The following CCAR1 variants were observed in gnomAD, a reference collection of about 807,000 sequenced individuals.
CCAR1 encodes cell division cycle and apoptosis regulator 1.
CCAR1 carries 78 observed loss-of-function variants against 163.8 expected under a neutral mutation model. The ratio of observed to expected loss-of-function variants is 0.48; its 90% CI spans 0.40 to 0.57. The LOEUF is 0.57. Among genes scored for constraint, CCAR1 ranks in the 20% least tolerant of loss-of-function variants. The probability of loss-of-function intolerance (pLI) is 0.00; values close to 1 mark genes in which losing one functional copy is unlikely to be tolerated. For missense variants in CCAR1, 1,019 were observed against 1,365.2 expected (o/e 0.75, Z 4.00); for synonymous variants, 443 against 460.7 (o/e 0.96, Z 0.49).
At chr10:68,757,489 A>G in intron 15 of CCAR1, 112 bp downstream of exon 15, 1 of 565,584 alleles carries the variant, frequency 1.8e-6, no homozygotes, top group Admixed American at 2.9e-5. Context: ...ATCTCGGCTC[A>G]CTTCAGCCTC....
At chr10:68,730,345 A>AT (rs1248917484) in intron 2 of CCAR1, among the ~76,000 whole-genome samples, 2 of 147,120 alleles carry the variant, frequency 1.4e-5, no homozygotes, top group East Asian at 2.1e-4. Context: ...ATATATATAT[A>AT]TTTATTTTTT....
chr10:68,776,091 A>T (rs2056664083), intron 19 of CCAR1, among the ~76,000 whole-genome samples: 1 of 151,878 alleles, frequency 6.6e-6, no homozygotes, highest in Admixed American at 6.6e-5. Flanking sequence ...AGCCTCCCAA[A>T]GTGCTGGGTT....
intron 15 of CCAR1, among the ~76,000 whole-genome samples, chr10:68,758,150 G>A (rs1003950514): frequency 1.3e-5 from 2 of 152,002 alleles, no homozygotes; most frequent in African/African-American, 4.8e-5. Context: ...GGCCTCCTGG[G>A]TTCAAATGAT....
intron 10 of CCAR1, among the ~76,000 whole-genome samples, chr10:68,753,438 C>T (rs1383614102): frequency 6.6e-6 from 1 of 152,140 alleles, no homozygotes; most frequent in Non-Finnish European, 1.5e-5. Context: ...TTTTTCTACA[C>T]TCAAAAACCT....
At position 68,791,197 on chromosome 10, in the gene CCAR1, T is replaced by TATA. The variant is rs752088547; in HGVS notation, c.3394-10_3394-9insATA. On this transcript the variant is annotated splice_polypyrimidine_tract_variant and intron_variant, in intron 24 of 24. Coordinates refer to ENST00000265872, the MANE Select transcript of CCAR1 (RefSeq NM_018237.4). ...TAAAATGTATTTTTTCCTTCTCTAT[T>TATA]GTCTTATAGGATAATGTAAAGAATG... 6.6e-7 allele frequency: 1 copy of TATA among 1,504,576 alleles called. No individual in the cohort carries two copies. Among genetic ancestry groups the TATA allele is most frequent in the South Asian group, 1.2e-5 (1 of 83,254 alleles). The allele number at this position is 1,504,576 out of a possible 1,614,324, so 93.2% of individuals were successfully genotyped here.
At chr10:68,748,422 C>T (rs1420571416) in intron 8 of CCAR1, among the ~76,000 whole-genome samples, 3 of 150,426 alleles carry the variant, frequency 2.0e-5, no homozygotes, top group African/African-American at 7.3e-5. Flanking sequence ...AAAAAGATGA[C>T]AGGTAGCCTT....
At chr10:68,779,390 C>T (rs1309035032) in intron 19 of CCAR1, among the ~76,000 whole-genome samples, 1 of 151,696 alleles carries the variant, frequency 6.6e-6, no homozygotes, top group Non-Finnish European at 1.5e-5. Flanking sequence ...TCCTAAGTAG[C>T]TTAGATTACA....
intron 18 of CCAR1, among the ~76,000 whole-genome samples, chr10:68,772,720 T>G (rs1180385886): frequency 6.7e-6 from 1 of 149,478 alleles, no homozygotes; most frequent in African/African-American, 2.5e-5. Flanking sequence ...ATTGTGCCAC[T>G]GCACTCCAGT....
chr10:68,786,726 A>G (rs774667944), intron 21 of CCAR1, 34 bp downstream of exon 21: 1 of 1,543,992 alleles, frequency 6.5e-7, no homozygotes, highest in East Asian at 2.3e-5. Context: ...AAAGGAAAAC[A>G]TTTTTTAAAA....
At chr10:68,739,269 C>T (rs988479339) in intron 4 of CCAR1, among the ~76,000 whole-genome samples, 3 of 152,310 alleles carry the variant, frequency 2.0e-5, no homozygotes, top group Admixed American at 1.3e-4. Context: ...TCTGCCTCAG[C>T]CTCCTGAGTA....
chr10:68,740,588 G>T, intron 4 of CCAR1, 41 bp from the exon 5 acceptor site: 1 of 1,566,174 alleles, frequency 6.4e-7, no homozygotes, highest in Non-Finnish European at 8.8e-7. Context: ...CAACAATTCT[G>T]ATTGACCCTT....
chr10:68,730,085 C>A (rs1458963557), intron 2 of CCAR1, among the ~76,000 whole-genome samples: 1 of 151,734 alleles, frequency 6.6e-6, no homozygotes, highest in African/African-American at 2.4e-5. Context: ...CCACACCCAG[C>A]TAATTTTTGT....
intron 2 of CCAR1, 69 bp from the exon 3 acceptor site, chr10:68,736,807 A>T: frequency 1.4e-6 from 2 of 1,387,554 alleles, no homozygotes; most frequent in Non-Finnish European, 2.0e-6. Context: ...TCTTCTATGT[A>T]CTGTTTTCAT....
chr10:68,789,662 T>A, intron 23 of CCAR1, 48 bp from the exon 24 acceptor site: 1 of 1,138,768 alleles, frequency 8.8e-7, no homozygotes. Flanking sequence ...AAAGTTAAAT[T>A]TGAAATTTTA....
intron 15 of CCAR1, among the ~76,000 whole-genome samples, chr10:68,759,109 C>T (rs753211241): frequency 2.3e-5 from 3 of 131,284 alleles, no homozygotes; most frequent in Non-Finnish European, 4.5e-5. Context: ...GAAAAAACAA[C>T]AACCAACAAC....
At chr10:68,728,615 A>G in intron 2 of CCAR1, among the ~76,000 whole-genome samples, 1 of 152,168 alleles carries the variant, frequency 6.6e-6, no homozygotes, top group East Asian at 1.9e-4. Context: ...TATAGAGAGT[A>G]TAAGAACCTC....
At chr10:68,752,524 A>G (rs531584456) in intron 10 of CCAR1, among the ~76,000 whole-genome samples, 9 of 152,304 alleles carry the variant, frequency 5.9e-5, no homozygotes, top group Non-Finnish European at 1.0e-4. Context: ...AACAAAACTC[A>G]GATACTTGTT....
rs546694233 is a variant in CCAR1, at chr10:68,723,660, T to A, written c.73+1083T>A. 3.4e-4 allele frequency among the ~76,000 whole-genome samples: 50 copies of A among 145,376 alleles called. 1 individual carries two copies. Among genetic ancestry groups the A allele is most frequent in the South Asian group, 6.7e-4 (3 of 4,446 alleles). ...TCAGGAAATCGAGACCATCCTGGCT[T>A]ACATGGTGTAACCCCGTCTCTACTA... is the stretch of plus-strand genomic sequence containing the variant. On this transcript the variant is annotated intron_variant, in intron 2 of 24. Transcript: ENST00000265872.
At chr10:68,779,854 A>G (rs2056714332) in intron 19 of CCAR1, among the ~76,000 whole-genome samples, 1 of 152,236 alleles carries the variant, frequency 6.6e-6, no homozygotes, top group South Asian at 2.1e-4. Context: ...CTGTGCACCC[A>G]TTGAAGAAAA....
Sources: gnomAD v4.1 joint callset for allele counts (sites outside exome capture counted in the v4.1 genomes callset) on GRCh38, gnomAD v4.1.1 for gene constraint, MANE v1.5 for transcripts, NCBI Gene and HGNC (gene_info 2026-07-23, HGNC 2026-07-21) for gene names.